Variants in TMEM268 observed in about 807,000 individuals in gnomAD.
TMEM268 encodes transmembrane protein C9orf91.
Under a neutral mutation model 39.1 loss-of-function variants are expected in TMEM268, and 24 were observed. The observed-to-expected ratio is 0.61, with a 90% confidence interval of 0.44 to 0.86. The LOEUF (loss-of-function observed/expected upper bound fraction) is 0.86. TMEM268 is among the 40% of genes least tolerant of loss of function. The probability of loss-of-function intolerance (pLI) is 0.00; values close to 1 mark genes in which losing one functional copy is unlikely to be tolerated. For synonymous variants in TMEM268, 176 were observed against 173.5 expected (o/e 1.01, Z -0.12); for missense variants, 409 against 428.6 (o/e 0.95, Z 0.40).
rs553135582 is a variant in TMEM268, at chr9:114,635,281, T to G, written c.585+1403T>G. ...TCACTTGAACCCGGGAGGCAGAGGTTGCAGTGAGCTGAGATTGTGCCATTG... is the reference window on the plus strand; with the variant it reads ...TCACTTGAACCCGGGAGGCAGAGGTGGCAGTGAGCTGAGATTGTGCCATTG... On this transcript the variant is annotated intron_variant, in intron 6 of 8. Transcript: ENST00000288502. 3.2e-4 allele frequency among the ~76,000 whole-genome samples: 48 copies of G among 151,184 alleles called. No individual in the cohort carries two copies. The South Asian group carries it at 9.0e-3, about 28-fold the overall frequency.
At chr9:114,615,943 T>A (rs2133595479) in intron 1 of TMEM268, among the ~76,000 whole-genome samples, 1 of 151,720 alleles carries the variant, frequency 6.6e-6, no homozygotes, top group African/African-American at 2.4e-5. Flanking sequence ...TCGCCCACTT[T>A]GGCCTCCCAA....
At chr9:114,612,736 A>G (rs1845554061) in intron 1 of TMEM268, among the ~76,000 whole-genome samples, 1 of 152,084 alleles carries the variant, frequency 6.6e-6, no homozygotes, top group Admixed American at 6.5e-5. Context: ...CCTTCCGGAG[A>G]ACCCTTCCCC....
At chr9:114,638,480 A>G (rs1846739389) in intron 7 of TMEM268, 64 bp from the exon 8 acceptor site, 3 of 1,284,464 alleles carry the variant, frequency 2.3e-6, no homozygotes, top group Non-Finnish European at 3.1e-6. Flanking sequence ...TTGGGGAGGG[A>G]CTCAGCCTCG....
chr9:114,614,892 CTTTT>C (rs57020988), intron 1 of TMEM268, among the ~76,000 whole-genome samples: 1,641 of 129,204 alleles, frequency 0.013, 54 homozygotes, highest in Admixed American at 0.069. Flanking sequence ...GTGTCACTGC[CTTTT>C]TTTTTTTTTT....
upstream of TMEM268, among the ~76,000 whole-genome samples, chr9:114,606,839 A>C (rs1177865960): frequency 2.0e-5 from 3 of 149,790 alleles, no homozygotes; most frequent in Admixed American, 2.0e-4. Context: ...TGAATCTATA[A>C]CTGGCACATG....
chr9:114,604,597 A>AC, the TMEM268 span, among the ~76,000 whole-genome samples: 1 of 151,686 alleles, frequency 6.6e-6, no homozygotes, highest in Non-Finnish European at 1.5e-5. Context: ...AAAAAAAAAA[A>AC]AAAAAAAAGA....
intron 3 of TMEM268, 77 bp from the exon 4 acceptor site, chr9:114,626,822 C>T: frequency 3.6e-6 from 4 of 1,103,492 alleles, no homozygotes; most frequent in Non-Finnish European, 5.5e-6. Flanking sequence ...CCTAATCCCC[C>T]TTCCACATGA....
At position 114,643,437 on chromosome 9, in the gene TMEM268, C is replaced by A. The variant is rs1160754161; in HGVS notation, c.*124C>A. ...GCATCTGGGGGCACTCCAAAAGGGG[C>A]CTGTGATGTCAGCCACTGGGGTGTT... On this transcript the variant is annotated 3_prime_UTR_variant, in exon 9 of 9. Transcript: ENST00000288502. 8.9e-6 allele frequency: 7 copies of A among 787,154 alleles called. No individual in the cohort carries two copies. The highest frequency in any genetic ancestry group is 7.1e-5 in the South Asian group (4 of 56,432). 48.8% of individuals were successfully genotyped at this position (787,154 alleles called of 1,614,324 possible).
chr9:114,633,730 A>G (rs761716521), intron 5 of TMEM268, 38 bp from the exon 6 acceptor site: 4 of 1,184,412 alleles, frequency 3.4e-6, no homozygotes, highest in Admixed American at 2.2e-5. Context: ...CCCCAGTAGC[A>G]TGGAGGTCTG....
chr9:114,614,920 G>A (rs1026329227), intron 1 of TMEM268, among the ~76,000 whole-genome samples: 5 of 140,278 alleles, frequency 3.6e-5, no homozygotes, highest in African/African-American at 1.3e-4. Context: ...TTTTTAAGAT[G>A]GAGTCTCTCT....
chr9:114,626,842 G>A (rs1846181876), intron 3 of TMEM268, 57 bp from the exon 4 acceptor site: 2 of 1,297,066 alleles, frequency 1.5e-6, no homozygotes, highest in Non-Finnish European at 2.2e-6. Flanking sequence ...ATAGTCACAT[G>A]CACTGGAAAC....
intron 2 of TMEM268, among the ~76,000 whole-genome samples, chr9:114,618,992 G>A (rs1437903207): frequency 2.6e-5 from 4 of 152,210 alleles, no homozygotes; most frequent in Non-Finnish European, 5.9e-5. Flanking sequence ...CTGGATATGG[G>A]CAAGGGGAAA....
At chr9:114,628,721 C>T (rs1846266698) in intron 5 of TMEM268, among the ~76,000 whole-genome samples, 1 of 152,124 alleles carries the variant, frequency 6.6e-6, no homozygotes, top group African/African-American at 2.4e-5. Context: ...TCTCTAATCC[C>T]AGCAATGACC....
chr9:114,625,592 G>T (rs1846124810), intron 3 of TMEM268, among the ~76,000 whole-genome samples: 1 of 151,532 alleles, frequency 6.6e-6, no homozygotes, highest in African/African-American at 2.4e-5. Context: ...CTACAAGCAT[G>T]CACCACGGCT....
chr9:114,609,834 GAGAAAGAA>G (rs200700438), upstream of TMEM268, among the ~76,000 whole-genome samples: 50 of 117,904 alleles, frequency 4.2e-4, no homozygotes, highest in South Asian at 0.01. Flanking sequence ...GAAAGAAAGA[GAGAAAGAA>G]AGAAAGAAAG....
chr9:114,608,029 GA>G (rs1845389653), upstream of TMEM268, among the ~76,000 whole-genome samples: 1 of 152,122 alleles, frequency 6.6e-6, no homozygotes, highest in African/African-American at 2.4e-5. Context: ...CCACCACAAG[GA>G]CCTTGTGGAT....
upstream of TMEM268, among the ~76,000 whole-genome samples, chr9:114,607,077 G>A (rs530832180): frequency 1.1e-3 from 168 of 152,308 alleles, no homozygotes; most frequent in Middle Eastern, 3.4e-3. Context: ...AACCCTTACA[G>A]ACACAACAGG....
At chr9:114,608,064 T>C (rs1845389952), upstream of TMEM268, among the ~76,000 whole-genome samples, 1 of 152,196 alleles carries the variant, frequency 6.6e-6, no homozygotes, top group Non-Finnish European at 1.5e-5. Flanking sequence ...TACTGAAGTC[T>C]GCTTTCCAGC....
At chr9:114,623,003 T>A (rs1846007881) in intron 2 of TMEM268, among the ~76,000 whole-genome samples, 1 of 151,974 alleles carries the variant, frequency 6.6e-6, no homozygotes, top group Admixed American at 6.6e-5. Context: ...GGCACAAGAA[T>A]CACTTGAACC....
Sources: gnomAD v4.1 joint callset for allele counts (sites outside exome capture counted in the v4.1 genomes callset) on GRCh38, gnomAD v4.1.1 for gene constraint, MANE v1.5 for transcripts, NCBI Gene and HGNC (gene_info 2026-07-23, HGNC 2026-07-21) for gene names.